Variants in ROBO1 observed in about 807,000 individuals in gnomAD.
The protein encoded by ROBO1 is roundabout homolog 1.
ROBO1 carries 149 observed loss-of-function variants against 195.9 expected under a neutral mutation model. The ratio of observed to expected loss-of-function variants is 0.76; its 90% CI spans 0.67 to 0.87. ROBO1 has a LOEUF of 0.87. Ranked by LOEUF, ROBO1 falls within the 40% of genes least tolerant of loss-of-function variation. The probability of loss-of-function intolerance (pLI) is 0.00; values close to 1 mark genes in which losing one functional copy is unlikely to be tolerated. For synonymous variants in ROBO1, 816 were observed against 733.2 expected (o/e 1.11, Z -1.82); for missense variants, 1,933 against 2,068.3 (o/e 0.93, Z 1.27).
intron 4 of ROBO1, among the ~76,000 whole-genome samples, chr3:78,892,311 A>C (rs2036951616): frequency 6.6e-6 from 1 of 152,064 alleles, no homozygotes; most frequent in African/African-American, 2.4e-5. Context: ...TTCCCACCCC[A>C]TCTGTGGAAA....
intron 3 of ROBO1, among the ~76,000 whole-genome samples, chr3:79,120,615 G>T (rs2080099373): frequency 6.6e-6 from 1 of 152,128 alleles, no homozygotes; most frequent in African/African-American, 2.4e-5. Context: ...TCTTGGGTCT[G>T]AAGAGAAACC....
At chr3:79,232,260 A>AATAT (rs1553704315) in intron 2 of ROBO1, among the ~76,000 whole-genome samples, 150 of 147,430 alleles carry the variant, frequency 1.0e-3, no homozygotes, top group African/African-American at 3.6e-3. Flanking sequence ...AAAAAAAAAA[A>AATAT]ATATATATAT....
rs1250932373 is a variant in ROBO1, at chr3:78,651,812, A to G, written c.2732T>C (p.Leu911Pro). 6.2e-7 allele frequency: 1 copy of G among 1,613,818 alleles called. No homozygotes were observed. The highest frequency in any genetic ancestry group is 1.7e-5 in the Admixed American group (1 of 59,992). The change falls in exon 19 of 31, where the codon CTC (leucine) becomes CCC (proline). Residue 911 changes from leucine to proline, a missense_variant. Leu to Pro is a moderately conservative substitution (Grantham distance 98, BLOSUM62 -3). Around this residue, in one of 3 missense-constraint regions of ROBO1, gnomAD observed 1,737 missense variants for 1,882.5 expected, o/e 0.92. Transcript: ENST00000464233. ...AGIGAACWIILMVFSIWLYRH... is the reference protein window; with the variant it reads ...AGIGAACWIIPMVFSIWLYRH... ...ATAAAGCCAGATGCTGAAGACCATGAGGATGATCCAACAGGCTGCTCCAAT... is the reference window on the plus strand; with the variant it reads ...ATAAAGCCAGATGCTGAAGACCATGGGGATGATCCAACAGGCTGCTCCAAT...
chr3:79,755,475 C>A (rs984075795), intron 1 of ROBO1, among the ~76,000 whole-genome samples: 10 of 152,058 alleles, frequency 6.6e-5, no homozygotes, highest in African/African-American at 2.4e-4. Context: ...AGATGAAAAG[C>A]TTTATCTTTG....
chr3:79,490,413 C>A (rs1336179881), intron 2 of ROBO1, among the ~76,000 whole-genome samples: 1 of 152,154 alleles, frequency 6.6e-6, no homozygotes. Flanking sequence ...CTTTTTACCT[C>A]CTGGCCTTAA....
chr3:79,737,282 A>G (rs1703430976), intron 1 of ROBO1, among the ~76,000 whole-genome samples: 1 of 152,224 alleles, frequency 6.6e-6, no homozygotes, highest in African/African-American at 2.4e-5. Context: ...TAAGCAGGAC[A>G]AAGAAAGTGG....
Position 78,700,816 on chromosome 3 carries a change from T to A in ROBO1, c.1046-12044A>T, listed in dbSNP as rs545859598. Among the ~76,000 whole-genome samples the A allele has an allele frequency of 1.7e-3, 256 of 150,790 alleles. 1 individual carries two copies. Among genetic ancestry groups the A allele is most frequent in the Non-Finnish European group, 2.5e-3 (171 of 67,868 alleles). On this transcript the variant is annotated intron_variant, in intron 8 of 30. Transcript: ENST00000464233. ...TTAGCTCTTGTCTCCCAGGCTGGAG[T>A]GCAGTGTCGCGATCCCAGCTCACTG...
chr3:79,084,485 G>A (rs1208680016), intron 3 of ROBO1, among the ~76,000 whole-genome samples: 4 of 152,162 alleles, frequency 2.6e-5, no homozygotes, highest in South Asian at 2.1e-4. Context: ...CAACAAGAGC[G>A]AAACTCCATC....
intron 2 of ROBO1, among the ~76,000 whole-genome samples, chr3:79,232,267 A>G (rs2082334083): frequency 6.7e-6 from 1 of 150,040 alleles, no homozygotes; most frequent in Admixed American, 6.6e-5. Flanking sequence ...AAAAATATAT[A>G]TATATAAAAT....
At chr3:79,030,838 C>T (rs1685247174) in intron 3 of ROBO1, among the ~76,000 whole-genome samples, 2 of 152,182 alleles carry the variant, frequency 1.3e-5, no homozygotes, top group Non-Finnish European at 1.5e-5. Context: ...TCTCCTGCCT[C>T]AGCCTCCCAA....
intron 4 of ROBO1, among the ~76,000 whole-genome samples, chr3:78,836,203 T>C (rs2032694058): frequency 6.6e-6 from 1 of 152,194 alleles, no homozygotes; most frequent in South Asian, 2.1e-4. Context: ...AATCTTTTTA[T>C]GAATCTTACC....
chr3:78,866,370 G>A (rs2107079249), intron 4 of ROBO1, among the ~76,000 whole-genome samples: 1 of 152,294 alleles, frequency 6.6e-6, no homozygotes, highest in Non-Finnish European at 1.5e-5. Context: ...GATCACCAGT[G>A]CCTAAAAAGG....
chr3:79,259,757 T>G (rs1347024718), intron 2 of ROBO1, among the ~76,000 whole-genome samples: 1 of 152,108 alleles, frequency 6.6e-6, no homozygotes, highest in East Asian at 1.9e-4. Flanking sequence ...AGGCAAAAGA[T>G]TTAAATCGAC....
chr3:79,017,700 A>C (rs1219060363), intron 3 of ROBO1, among the ~76,000 whole-genome samples: 1 of 152,118 alleles, frequency 6.6e-6, no homozygotes, highest in Non-Finnish European at 1.5e-5. Context: ...ATGGAATTTC[A>C]GTATTATTTA....
At chr3:79,414,356 C>T (rs1474444577) in intron 2 of ROBO1, among the ~76,000 whole-genome samples, 1 of 151,912 alleles carries the variant, frequency 6.6e-6, no homozygotes, top group Non-Finnish European at 1.5e-5. Context: ...GATTGCTGTA[C>T]ATGAAAGAAA....
At chr3:78,716,175 T>TC (rs1395050347) in intron 7 of ROBO1, among the ~76,000 whole-genome samples, 3 of 151,886 alleles carry the variant, frequency 2.0e-5, no homozygotes, top group Admixed American at 6.6e-5. Flanking sequence ...AAATTCAAAT[T>TC]CCCCCCTCTG....
chr3:79,047,114 G>A (rs972669840), intron 3 of ROBO1, among the ~76,000 whole-genome samples: 2 of 152,076 alleles, frequency 1.3e-5, no homozygotes, highest in Non-Finnish European at 2.9e-5. Context: ...AAATCTGGAC[G>A]TTGAGGCTGC....
At chr3:79,634,330 C>T (rs1430682605) in intron 1 of ROBO1, among the ~76,000 whole-genome samples, 4 of 152,146 alleles carry the variant, frequency 2.6e-5, no homozygotes, top group Non-Finnish European at 5.9e-5. Flanking sequence ...AATTGACCAG[C>T]ACCATGCAGC....
At chr3:79,267,852 C>T (rs2030128455) in intron 2 of ROBO1, among the ~76,000 whole-genome samples, 1 of 151,500 alleles carries the variant, frequency 6.6e-6, no homozygotes, top group South Asian at 2.1e-4. Flanking sequence ...TTTCATCTAA[C>T]TTTGTATGTT....
Sources: allele counts gnomAD v4.1 joint callset (sites outside exome capture counted in the v4.1 genomes callset), GRCh38; gene constraint gnomAD v4.1.1; regional missense constraint gnomAD v4.1.1; transcripts MANE v1.5; gene names NCBI Gene and HGNC (gene_info 2026-07-23, HGNC 2026-07-21).